Variants in RANGAP1 observed in about 807,000 individuals in gnomAD.
The protein encoded by RANGAP1 is ran GTPase-activating protein 1.
RANGAP1 carries 38 observed loss-of-function variants against 63.5 expected under a neutral mutation model. That is an observed-to-expected ratio of 0.60 (90% CI 0.46 to 0.78). The LOEUF is 0.78. RANGAP1 is among the 30% of genes least tolerant of loss of function. The pLI is 0.00. For synonymous variants in RANGAP1, 329 were observed against 310.5 expected (o/e 1.06, Z -0.63); for missense variants, 630 against 740.3 (o/e 0.85, Z 1.73).
At chr22:41,262,336 G>T (rs548427560) in intron 5 of RANGAP1, among the ~76,000 whole-genome samples, 1 of 152,130 alleles carries the variant, frequency 6.6e-6, no homozygotes, top group Non-Finnish European at 1.5e-5. Flanking sequence ...AATCACGAGC[G>T]AGTGCACCGA....
At chr22:41,299,367 T>C in the RANGAP1 span, among the ~76,000 whole-genome samples, 15 of 151,776 alleles carry the variant, frequency 9.9e-5, no homozygotes, top group Admixed American at 8.5e-4. Context: ...CTCCTGACCT[T>C]GTGATCCACC....
the RANGAP1 span, among the ~76,000 whole-genome samples, chr22:41,299,489 G>A: frequency 9.2e-5 from 14 of 151,954 alleles, no homozygotes; most frequent in Non-Finnish European, 1.9e-4. Flanking sequence ...TGCTGGTCTC[G>A]AACTCCTAAC....
the RANGAP1 span, among the ~76,000 whole-genome samples, chr22:41,299,257 C>T: frequency 1.2e-3 from 183 of 152,040 alleles, no homozygotes; most frequent in Non-Finnish European, 1.8e-3. Context: ...CTCAGCCTCC[C>T]GAGTAGCTGG....
chr22:41,295,811 C>T, the RANGAP1 span, among the ~76,000 whole-genome samples: 2 of 148,088 alleles, frequency 1.4e-5, no homozygotes, highest in African/African-American at 5.0e-5. Context: ...AATAACCTAA[C>T]AGAGAGGAAG....
chr22:41,254,273 C>T (rs750680526), intron 11 of RANGAP1, 35 bp downstream of exon 11: 63 of 1,613,042 alleles, frequency 3.9e-5, no homozygotes, highest in Non-Finnish European at 5.3e-5. Flanking sequence ...TTCTCAGGAC[C>T]AGGGCTCTGA....
Position 41,252,863 on chromosome 22 carries a change from G to A in RANGAP1, c.1380+9C>T. Reference sequence around the variant, plus strand: ...ACGTACAGCGTGGGGGTCGAGGGGTGGTTATTACCTGCTGGGCTATCAGCA... The same window carrying A: ...ACGTACAGCGTGGGGGTCGAGGGGTAGTTATTACCTGCTGGGCTATCAGCA... On this transcript the variant is annotated intron_variant, in intron 12 of 15. Transcript: ENST00000356244. 2 of 1,568,044 alleles carry A rather than the reference G, an allele frequency of 1.3e-6. No homozygotes were observed. Among genetic ancestry groups the A allele is most frequent in the Non-Finnish European group, 1.7e-6 (2 of 1,158,834 alleles).
At position 41,246,488 on chromosome 22, in the gene RANGAP1, C is replaced by T. The variant is rs571505287; in HGVS notation, c.*115G>A. On this transcript the variant is annotated 3_prime_UTR_variant, in exon 16 of 16. Coordinates refer to ENST00000356244, the MANE Select transcript of RANGAP1 (RefSeq NM_002883.4). ...TGACAGGACACATGGGACACAGACCCGCCCTGCCTGTGGCCAGAGTCCTGT... is the reference window on the plus strand; with the variant it reads ...TGACAGGACACATGGGACACAGACCTGCCCTGCCTGTGGCCAGAGTCCTGT... 1.6e-4 allele frequency: 183 copies of T among 1,178,458 alleles called. No homozygotes were observed. In the African/African-American group the frequency reaches 2.5e-3, roughly 16 times the overall value. 73.0% of individuals were successfully genotyped at this position (1,178,458 alleles called of 1,614,324 possible).
At chr22:41,271,752 T>C (rs143484179) in intron 3 of RANGAP1, among the ~76,000 whole-genome samples, 2 of 151,692 alleles carry the variant, frequency 1.3e-5, no homozygotes, top group Non-Finnish European at 2.9e-5. Flanking sequence ...CTACTCCTAG[T>C]TGTGTGACTC....
In RANGAP1 at chr22:41,256,697, G is replaced by A. The variant is rs758792563; in HGVS notation, c.888+14C>T. The A allele has an allele frequency of 2.0e-5, 33 of 1,610,528 alleles. No individual in the cohort carries two copies. The highest frequency in any genetic ancestry group is 6.7e-5 in the Admixed American group (4 of 59,970). ...AGACCCCAGAGGGAGGACGTCAGGC[G>A]TCCAGGCTGGCACCTTTAGCTTGGG... On this transcript the variant is annotated intron_variant, in intron 8 of 15. Transcript: ENST00000356244.
At position 41,285,105 on chromosome 22, in the gene RANGAP1, G is replaced by A. The variant is rs113822437; in HGVS notation, c.-39+881C>T. ...CAGGAAGCCGACGCTGCAGTTCAGC[G>A]GTGATCGTTCCACTACACTCCAGCC... On this transcript the variant is annotated intron_variant, in intron 1 of 15. Transcript: ENST00000356244. 9.6e-3 allele frequency: 1,454 copies of A among 152,178 alleles called. 18 individuals are homozygous for A. Among genetic ancestry groups the A allele is most frequent in the Middle Eastern group, 0.034 (10 of 294 alleles). The allele number at this position is 152,178 out of a possible 1,614,324, so 9.4% of individuals were successfully genotyped here.
intron 2 of RANGAP1, among the ~76,000 whole-genome samples, chr22:41,278,180 A>G (rs2145833974): frequency 6.6e-6 from 1 of 152,136 alleles, no homozygotes; most frequent in East Asian, 1.9e-4. Flanking sequence ...CTGGGATTAC[A>G]GGTGTCCACC....
intron 3 of RANGAP1, among the ~76,000 whole-genome samples, chr22:41,273,405 A>G (rs1414314305): frequency 6.6e-6 from 1 of 152,188 alleles, no homozygotes. Context: ...TTTGGGGAAC[A>G]CGGGGCTAGA....
At chr22:41,268,505 T>C (rs1321042599) in intron 3 of RANGAP1, among the ~76,000 whole-genome samples, 1 of 151,978 alleles carries the variant, frequency 6.6e-6, no homozygotes, top group East Asian at 2.0e-4. Flanking sequence ...TCTGCCCACC[T>C]TGGTCTCCCA....
Position 41,283,201 on chromosome 22 carries a change from A to AT in RANGAP1, c.-38-2120dup, listed in dbSNP as rs576782674. The stretch of plus-strand genomic sequence containing the variant: ...TTCTAAATGACACATTTAGTATGTG[A>AT]TTTAAAAAAAAAAGGGGGGGGTTGG... On this transcript the variant is annotated intron_variant, in intron 1 of 15. Coordinates refer to ENST00000356244, the MANE Select transcript of RANGAP1 (RefSeq NM_002883.4). Among the ~76,000 whole-genome samples, 13 of 128,548 alleles carry AT rather than the reference A, an allele frequency of 1.0e-4. No homozygotes were observed. In the South Asian group the frequency reaches 2.4e-3, roughly 24 times the overall value. The allele number at this position is 128,548 out of a possible 152,430, so 84.3% of individuals were successfully genotyped here.
intron 2 of RANGAP1, 22 bp downstream of exon 2, chr22:41,280,911 T>C: frequency 6.2e-7 from 1 of 1,613,592 alleles, no homozygotes; most frequent in South Asian, 1.1e-5. Context: ...GACACACCAG[T>C]GCACAACTTC....
At chr22:41,259,984 C>T (rs962521643) in intron 6 of RANGAP1, among the ~76,000 whole-genome samples, 17 of 151,136 alleles carry the variant, frequency 1.1e-4, no homozygotes, top group African/African-American at 4.1e-4. Flanking sequence ...CCAGCCTGGG[C>T]AACAGAGCGA....
intron 14 of RANGAP1, 74 bp downstream of exon 14, chr22:41,249,655 G>T: frequency 6.4e-7 from 1 of 1,552,086 alleles, no homozygotes; most frequent in Non-Finnish European, 8.9e-7. Flanking sequence ...GGAGGTTGGC[G>T]GGCATGGCTG....
intron 2 of RANGAP1, among the ~76,000 whole-genome samples, chr22:41,279,843 A>C (rs986967876): frequency 2.0e-5 from 3 of 150,844 alleles, no homozygotes; most frequent in Non-Finnish European, 4.4e-5. Context: ...CACGCCTGTA[A>C]TCCGAACACT....
Position 41,272,761 on chromosome 22 carries a change from G to A in RANGAP1, c.240+1839C>T, listed in dbSNP as rs1054271131. Among the ~76,000 whole-genome samples, 21 of 152,030 alleles carry A rather than the reference G, an allele frequency of 1.4e-4. 1 individual carries two copies. Among genetic ancestry groups the A allele is most frequent in the Admixed American group, 5.9e-4 (9 of 15,258 alleles). ...GATCTCTTGACCTTGTGATCTGCCC[G>A]CCTTGGCCTCCCAAAGTGCTAGGAT... On this transcript the variant is annotated intron_variant, in intron 3 of 15. Transcript: ENST00000356244.
Sources: allele counts gnomAD v4.1 joint callset (sites outside exome capture counted in the v4.1 genomes callset), GRCh38; gene constraint gnomAD v4.1.1; transcripts MANE v1.5; gene names NCBI Gene and HGNC (gene_info 2026-07-23, HGNC 2026-07-21).